The following ITGB7 variants were observed in gnomAD, a reference collection of about 807,000 sequenced individuals.
ITGB7 encodes integrin subunit beta 7.
A neutral mutation model predicts 83.4 loss-of-function variants in ITGB7; 55 were observed. That is an observed-to-expected ratio of 0.66 (90% CI 0.53 to 0.83). The LOEUF (loss-of-function observed/expected upper bound fraction) is 0.83. ITGB7 is among the 40% of genes least tolerant of loss of function. The probability of loss-of-function intolerance (pLI) is 0.00; values close to 1 mark genes in which losing one functional copy is unlikely to be tolerated. For missense variants in ITGB7, 921 were observed against 1,046.7 expected (o/e 0.88, Z 1.66); for synonymous variants, 454 against 423.6 (o/e 1.07, Z -0.88).
chr12:53,192,214 G>C (rs1941979212), intron 14 of ITGB7, 116 bp downstream of exon 14: 2 of 1,276,328 alleles, frequency 1.6e-6, no homozygotes, highest in Non-Finnish European at 2.2e-6. Context: ...CTTTGTCCTG[G>C]ATTCACAGTT....
At chr12:53,194,970 T>G (rs1312922304) in intron 9 of ITGB7, 4 of 200,920 alleles carry the variant, frequency 2.0e-5, no homozygotes, top group Non-Finnish European at 4.1e-5. Flanking sequence ...GTTTGTTATC[T>G]TTGTGACCTT....
chr12:53,192,162 G>T, intron 14 of ITGB7, 143 bp from the exon 15 acceptor site: 2 of 1,212,488 alleles, frequency 1.6e-6, no homozygotes, highest in East Asian at 2.5e-5. Flanking sequence ...TATCCTCACC[G>T]CCCAGGGCCT....
chr12:53,203,665 A>G (rs1427686060), intron 1 of ITGB7, among the ~76,000 whole-genome samples: 1 of 137,538 alleles, frequency 7.3e-6, no homozygotes, highest in Non-Finnish European at 1.6e-5. Flanking sequence ...AAAAAAAAAA[A>G]AAAAAAGAAA....
intron 1 of ITGB7, chr12:53,206,533 G>A (rs1333799636): frequency 6.6e-6 from 1 of 152,354 alleles, no homozygotes. Flanking sequence ...TCTTTCCTTA[G>A]GGGTATTCTG....
intron 9 of ITGB7, 34 bp downstream of exon 9, chr12:53,195,340 A>G (rs760359344): frequency 1.5e-5 from 22 of 1,422,974 alleles, no homozygotes; most frequent in Non-Finnish European, 2.2e-5. Context: ...CCTAGTGCCC[A>G]CCCTCACCAT....
chr12:53,197,971 G>A lies in ITGB7; in HGVS notation c.202-20C>T, dbSNP rs772539245. ...GAAGTTCTGCTCAGCAAGAAAAGGC[G>A]CGTCGGGACCCGGTCCTGCATAGGC... is the stretch of plus-strand genomic sequence containing the variant. On this transcript the variant is annotated intron_variant, in intron 3 of 15. Coordinates refer to ENST00000267082, the MANE Select transcript of ITGB7 (RefSeq NM_000889.3). 5.9e-6 allele frequency: 9 copies of A among 1,526,184 alleles called. No homozygotes were observed. The South Asian group carries it at 9.6e-5, about 16-fold the overall frequency. The allele number at this position is 1,526,184 out of a possible 1,614,324, so 94.5% of individuals were successfully genotyped here. A position where few individuals can be genotyped will look rare whatever the true frequency, so the allele number is the denominator to read the frequency against.
chr12:53,192,202 G>A (rs1941978934), intron 14 of ITGB7, 128 bp downstream of exon 14: 1 of 1,229,658 alleles, frequency 8.1e-7, no homozygotes, highest in Non-Finnish European at 1.1e-6. Flanking sequence ...AATTGCCTCT[G>A]CCTTTGTCCT....
chr12:53,196,318 TG>T, intron 6 of ITGB7, 119 bp from the exon 7 acceptor site: 1 of 1,231,042 alleles, frequency 8.1e-7, no homozygotes, highest in Non-Finnish European at 1.2e-6. Flanking sequence ...TCCATCCCCT[TG>T]CCTCCAGTAC....
intron 3 of ITGB7, among the ~76,000 whole-genome samples, chr12:53,198,754 TCA>T (rs1942251822): frequency 1.3e-5 from 2 of 151,932 alleles, no homozygotes; most frequent in Admixed American, 1.3e-4. Context: ...CCCAGCAAGC[TCA>T]CACCAAAATG....
Position 53,192,392 on chromosome 12 carries a change from A to T in ITGB7, c.2093T>A (p.Phe698Tyr). 6.2e-7 allele frequency: 1 copy of T among 1,614,030 alleles called. No individual in the cohort carries two copies. The highest frequency in any genetic ancestry group is 8.5e-7 in the Non-Finnish European group (1 of 1,180,016). ...GGCGTCATCCTCCACCAAGAAGAAG[A>T]ACAGCTGGTTGTCCAGGGTCCGCTC... ...CKERTLDNQL[F>Y]FFLVEDDARG... The change falls in exon 14 of 16, where the codon TTC becomes TAC. Residue 698 changes from phenylalanine (F) to tyrosine (Y), a missense_variant. Physicochemically the swap from Phe to Tyr is conservative, Grantham distance 22 (BLOSUM62 3). Coordinates refer to ENST00000267082, the MANE Select transcript of ITGB7 (RefSeq NM_000889.3).
At chr12:53,205,200 T>C (rs1024084644) in intron 1 of ITGB7, among the ~76,000 whole-genome samples, 4 of 152,116 alleles carry the variant, frequency 2.6e-5, no homozygotes, top group African/African-American at 9.7e-5. Context: ...ATTTATTCAT[T>C]TGAGAGATAG....
rs1941935414 is a variant in ITGB7, at chr12:53,191,367, T to C, written c.*189A>G. 3.3e-6 allele frequency: 2 copies of C among 611,000 alleles called. No individual in the cohort carries two copies. The highest frequency in any genetic ancestry group is 3.7e-5 in the South Asian group (2 of 54,328). The allele number at this position is 611,000 out of a possible 1,614,324, so 37.8% of individuals were successfully genotyped here. ...GTATACTTGGGTGGGGTAGCCCAGA[T>C]GGATGCAAGGTTGCAGGCATGGGAA... On this transcript the variant is annotated 3_prime_UTR_variant, in exon 16 of 16. Coordinates refer to ENST00000267082, the MANE Select transcript of ITGB7 (RefSeq NM_000889.3).
In ITGB7 at chr12:53,196,406, A is replaced by G. The variant is rs1166295888; in HGVS notation, c.816+173T>C. ...AGGCTTACTTGTGAATTCGAAAAAC[A>G]TGCCTCCTCCTCAAGATATTTTACT... On this transcript the variant is annotated intron_variant, in intron 6 of 15. Coordinates refer to ENST00000267082, the MANE Select transcript of ITGB7 (RefSeq NM_000889.3). 4.1e-5 allele frequency: 43 copies of G among 1,052,854 alleles called. 1 individual carries two copies. The highest frequency in any genetic ancestry group is 6.7e-6 in the Non-Finnish European group (5 of 740,898). 65.2% of individuals were successfully genotyped at this position (1,052,854 alleles called of 1,614,324 possible). A position where few individuals can be genotyped will look rare whatever the true frequency, so the allele number is the denominator to read the frequency against.
intron 1 of ITGB7, among the ~76,000 whole-genome samples, chr12:53,203,439 G>A (rs1001132570): frequency 2.0e-5 from 3 of 152,042 alleles, no homozygotes; most frequent in African/African-American, 7.3e-5. Flanking sequence ...CTTGAGGTCA[G>A]GAGTTCAAGA....
chr12:53,199,358 C>G (rs1743745848), intron 3 of ITGB7, among the ~76,000 whole-genome samples: 1 of 152,158 alleles, frequency 6.6e-6, no homozygotes, highest in African/African-American at 2.4e-5. Context: ...TCAAGCCTTT[C>G]CAGTCCCCCT....
chr12:53,197,654 TG>T lies in ITGB7; in HGVS notation c.412del (p.Gln138SerfsTer23). 6.2e-7 allele frequency: 1 copy of T among 1,613,534 alleles called. No individual in the cohort carries two copies. Among genetic ancestry groups the T allele is most frequent in the Non-Finnish European group, 8.5e-7 (1 of 1,179,754 alleles). ...VRVTLRPGEPQQLQVRFLRAE... is the reference protein window; with the variant it reads ...VRVTLRPGEPXQLQVRFLRAE... ...ACGAAGGAAGCGGACCTGGAGCTGC[TG>T]GGGCTCCCCTAGGGGGTGGGCGGCG... On this transcript the variant is annotated frameshift_variant, in exon 5 of 16. Coordinates refer to ENST00000267082, the MANE Select transcript of ITGB7 (RefSeq NM_000889.3). LOFTEE classifies it high-confidence loss of function.
intron 1 of ITGB7, among the ~76,000 whole-genome samples, chr12:53,202,264 C>T (rs1221892977): frequency 1.3e-5 from 2 of 152,284 alleles, no homozygotes; most frequent in African/African-American, 4.8e-5. Context: ...GAGGCTGAGG[C>T]AGGAGAATCA....
At chr12:53,197,007 AGAC>A in intron 5 of ITGB7, 187 bp from the exon 6 acceptor site, 1 of 638,502 alleles carries the variant, frequency 1.6e-6, no homozygotes, top group Non-Finnish European at 2.7e-6. Context: ...GGCAGGTAGA[AGAC>A]ATTAAGAGGA....
chr12:53,203,757 A>G (rs1010858055), intron 1 of ITGB7, among the ~76,000 whole-genome samples: 8 of 152,270 alleles, frequency 5.3e-5, no homozygotes, highest in Admixed American at 2.0e-4. Context: ...AAAATGAAAA[A>G]CAATGAGTGT....
Sources: gnomAD v4.1 joint callset for allele counts (sites outside exome capture counted in the v4.1 genomes callset) on GRCh38, gnomAD v4.1.1 for gene constraint, MANE v1.5 for transcripts, NCBI Gene and HGNC (gene_info 2026-07-23, HGNC 2026-07-21) for gene names.